Variants in DPH6 observed in about 807,000 individuals in gnomAD.
DPH6 encodes the protein diphthine--ammonia ligase.
Under a neutral mutation model 38.2 loss-of-function variants are expected in DPH6, and 33 were observed. That is an observed-to-expected ratio of 0.86 (90% CI 0.65 to 1.15). The LOEUF (loss-of-function observed/expected upper bound fraction) is 1.15. Ranked by LOEUF, DPH6 falls within the 50% of genes most tolerant of loss-of-function variation. The pLI is 0.00. For synonymous variants in DPH6, 108 were observed against 103.0 expected, an observed-to-expected ratio of 1.05 and a Z score of -0.30; for missense variants, 325 against 320.0, an observed-to-expected ratio of 1.02 and a Z score of -0.12.
intron 3 of DPH6, chr15:35,521,393 G>T (rs2054921438): frequency 4.6e-6 from 5 of 1,077,512 alleles, no homozygotes; most frequent in Non-Finnish European, 5.6e-6. Context: ...ATCATCTAAA[G>T]AATCTGTAAG....
At chr15:35,279,064 A>ATATATATAT (rs1334725926) in intron 3 of DPH6, among the ~76,000 whole-genome samples, 17 of 124,022 alleles carry the variant, frequency 1.4e-4, no homozygotes, top group Middle Eastern at 3.9e-3. Context: ...AAAAAAAAAA[A>ATATATATAT]AAAAATATAT....
the DPH6 span, among the ~76,000 whole-genome samples, chr15:35,197,011 T>A: frequency 6.6e-6 from 1 of 152,204 alleles, no homozygotes; most frequent in African/African-American, 2.4e-5. Context: ...TTAAATTGCA[T>A]TGGACTTTCA....
intron 3 of DPH6, among the ~76,000 whole-genome samples, chr15:35,490,831 C>G (rs543973021): frequency 4.6e-5 from 7 of 151,994 alleles, no homozygotes; most frequent in Non-Finnish European, 8.8e-5. Flanking sequence ...ATATCACAGA[C>G]TGGGTGATTT....
chr15:35,369,302 G>T (rs1395056493), downstream of DPH6, among the ~76,000 whole-genome samples: 1 of 151,730 alleles, frequency 6.6e-6, no homozygotes, highest in Non-Finnish European at 1.5e-5. Context: ...TTTTAAGAGT[G>T]GTATTCAGGG....
chr15:35,446,214 CTTTTTTTTTTTTTCCTT>C (rs1230166631), intron 5 of DPH6, among the ~76,000 whole-genome samples: 14 of 51,516 alleles, frequency 2.7e-4, no homozygotes, highest in Non-Finnish European at 1.9e-4. Flanking sequence ...TGTATTTTCC[CTTTTTTTTTTTTTCCTT>C]TTTTTTTTTT....
chr15:35,315,246 T>A (rs1468707351), intron 3 of DPH6, among the ~76,000 whole-genome samples: 1 of 152,162 alleles, frequency 6.6e-6, no homozygotes, highest in Non-Finnish European at 1.5e-5. Context: ...TCTTTAAACA[T>A]CTTGACAACC....
chr15:35,449,602 T>C (rs1436937993), intron 5 of DPH6, among the ~76,000 whole-genome samples: 13 of 152,056 alleles, frequency 8.5e-5, no homozygotes, highest in Admixed American at 8.5e-4. Flanking sequence ...GAGGGAATAC[T>C]CTGTACAGAG....
rs115803732 is a variant in DPH6, at chr15:35,226,212, G to A, written n.201-5630C>T. Reference sequence around the variant, plus strand: ...GCTGTAAATGTTCATGTATCTATTCGGTTTTCTGCAATCTGGAACAGGCAT... The same window carrying A: ...GCTGTAAATGTTCATGTATCTATTCAGTTTTCTGCAATCTGGAACAGGCAT... On this transcript the variant is annotated intron_variant and non_coding_transcript_variant, in intron 3 of 3. Transcript: ENST00000560386. Among the ~76,000 whole-genome samples the A allele has an allele frequency of 1.9e-3, 285 of 152,156 alleles. 3 individuals are homozygous for A. The highest frequency in any genetic ancestry group is 6.5e-3 in the African/African-American group (272 of 41,530).
rs146990458 is a variant in DPH6 at position 35,379,718 on chromosome 15, C to T, written c.662+2104G>A. Reference sequence around the variant, plus strand: ...TCTGCCAAATGAGGATATTTCCCAACCTATAACTTCAAGTTATAACCTAAC... The same window carrying T: ...TCTGCCAAATGAGGATATTTCCCAATCTATAACTTCAAGTTATAACCTAAC... On this transcript the variant is annotated intron_variant, in intron 7 of 8. Coordinates refer to ENST00000256538, the MANE Select transcript of DPH6 (RefSeq NM_080650.4). 7.2e-4 allele frequency among the ~76,000 whole-genome samples: 110 copies of T among 152,166 alleles called. 1 individual carries two copies. Among genetic ancestry groups the T allele is most frequent in the African/African-American group, 2.5e-3 (104 of 41,542 alleles).
chr15:35,524,657 G>A (rs2054972064), intron 3 of DPH6, among the ~76,000 whole-genome samples: 1 of 152,030 alleles, frequency 6.6e-6, no homozygotes, highest in Non-Finnish European at 1.5e-5. Context: ...TTACTTATCT[G>A]CAAAGGGTTG....
the DPH6 span, among the ~76,000 whole-genome samples, chr15:35,172,466 T>C: frequency 1.3e-5 from 2 of 152,222 alleles, no homozygotes; most frequent in South Asian, 4.1e-4. Context: ...GTATGTTCAA[T>C]TCAATGTTAT....
chr15:35,389,679 T>C, intron 6 of DPH6, among the ~76,000 whole-genome samples: 1 of 152,068 alleles, frequency 6.6e-6, no homozygotes, highest in East Asian at 1.9e-4. Flanking sequence ...CCTTTTTTTG[T>C]TTTCGATTTG....
Position 35,239,010 on chromosome 15 carries a change from T to C in DPH6, n.201-18428A>G, listed in dbSNP as rs985719495. 1.8e-4 allele frequency among the ~76,000 whole-genome samples: 26 copies of C among 145,404 alleles called. 2 individuals carry two copies. In the Admixed American group the frequency reaches 1.8e-3, roughly 10 times the overall value. ...TGCACCCAGGTGAAATAAACAGCCA[T>C]GTTGCTCACACAAAGCCTGTTTGGT... On this transcript the variant is annotated intron_variant and non_coding_transcript_variant, in intron 3 of 3. Transcript: ENST00000560386.
chr15:35,180,811 G>C, the DPH6 span, among the ~76,000 whole-genome samples: 2 of 151,972 alleles, frequency 1.3e-5, no homozygotes, highest in South Asian at 2.1e-4. Flanking sequence ...TGAAAAAAAT[G>C]TGATATCTTG....
At chr15:35,460,788 T>C (rs1030118784) in intron 3 of DPH6, among the ~76,000 whole-genome samples, 3 of 151,510 alleles carry the variant, frequency 2.0e-5, no homozygotes, top group Non-Finnish European at 4.4e-5. Context: ...TCTGTCAATA[T>C]GAATCACACC....
intron 6 of DPH6, chr15:35,400,989 T>C (rs1162018147): frequency 9.5e-6 from 9 of 951,540 alleles, no homozygotes; most frequent in African/African-American, 3.2e-5. Flanking sequence ...AGGTGCCCAC[T>C]CAACTGTGAA....
chr15:35,489,259 G>T, intron 3 of DPH6: 1 of 857,556 alleles, frequency 1.2e-6, no homozygotes, highest in Non-Finnish European at 1.4e-6. Context: ...GTGATCTGGG[G>T]ATCTGGGAAA....
chr15:35,201,988 G>C, the DPH6 span, among the ~76,000 whole-genome samples: 1 of 151,668 alleles, frequency 6.6e-6, no homozygotes, highest in African/African-American at 2.4e-5. Flanking sequence ...TTCTGAAATA[G>C]GGTGAATAAG....
rs376951812 is a variant in DPH6 at position 35,373,666 on chromosome 15, T to C, written c.663-58A>G. The C allele has an allele frequency of 5.0e-6, 7 of 1,403,158 alleles. No individual in the cohort carries two copies. The African/African-American group carries it at 8.6e-5, about 17-fold the overall frequency. The allele number at this position is 1,403,158 out of a possible 1,614,324, so 86.9% of individuals were successfully genotyped here. A position where few individuals can be genotyped will look rare whatever the true frequency, so the allele number is the denominator to read the frequency against. ...TGCTACAAAAATTGTGACAAATCAT[T>C]CCTCCTACTGACTAGAAGAGACTAA... is the stretch of plus-strand genomic sequence containing the variant. On this transcript the variant is annotated intron_variant, in intron 7 of 8. Transcript: ENST00000256538.
Sources: gnomAD v4.1 joint callset for allele counts (sites outside exome capture counted in the v4.1 genomes callset) on GRCh38, gnomAD v4.1.1 for gene constraint, MANE v1.5 for transcripts, NCBI Gene and HGNC (gene_info 2026-07-23, HGNC 2026-07-21) for gene names.